Variants in NME8 observed in about 807,000 individuals in gnomAD.
NME8 encodes NME/NM23 family member 8.
In NME8, 72 loss-of-function variants were observed where a neutral mutation model predicts 82.3. That is an observed-to-expected ratio of 0.87 (90% CI 0.72 to 1.06). The LOEUF is 1.06. NME8 is among the 50% of genes least tolerant of loss of function. The pLI is 0.00. For synonymous variants in NME8, 267 were observed against 228.5 expected (o/e 1.17, Z -1.52); for missense variants, 712 against 685.4 (o/e 1.04, Z -0.43).
At chr7:37,883,049 G>C (rs371965911) in intron 12 of NME8, among the ~76,000 whole-genome samples, 35 of 152,258 alleles carry the variant, frequency 2.3e-4, no homozygotes, top group African/African-American at 7.2e-4. Context: ...CCTAATGAGA[G>C]AGTGCAAATT....
intron 16 of NME8, among the ~76,000 whole-genome samples, chr7:37,894,883 T>C (rs188981633): frequency 6.6e-6 from 1 of 151,456 alleles, no homozygotes; most frequent in East Asian, 1.9e-4. Flanking sequence ...CCCTTCCCTT[T>C]CCTTTCCTTT....
chr7:37,873,862 T>C (rs1784809103), intron 11 of NME8, among the ~76,000 whole-genome samples: 2 of 152,224 alleles, frequency 1.3e-5, no homozygotes, highest in African/African-American at 4.8e-5. Context: ...GACTTTTAAT[T>C]GGTTTTATTA....
intron 11 of NME8, 65 bp downstream of exon 11, chr7:37,867,963 G>A (rs1784713993): frequency 1.4e-6 from 2 of 1,387,286 alleles, no homozygotes; most frequent in Non-Finnish European, 2.0e-6. Context: ...GCGTAGTGTA[G>A]GCACCTCAGT....
rs754368024 is a variant in NME8, at chr7:37,876,984, C to A, written c.971C>A (p.Pro324Gln). The A allele has an allele frequency of 2.5e-6, 4 of 1,612,850 alleles. No individual in the cohort carries two copies. Among genetic ancestry groups the A allele is most frequent in the East Asian group, 2.2e-5 (1 of 44,696 alleles). ...GAAAAGACATTGGCATTACTTCGAC[C>A]AAATCTCTTTCATGAAAGGAAAGGT... ...KLEKTLALLR[P>Q]NLFHERKDDV... The change falls in exon 12 of 18, where the codon CCA (proline) becomes CAA (glutamine). Residue 324 changes from proline to glutamine, a missense_variant. Coordinates refer to ENST00000199447, the MANE Select transcript of NME8 (RefSeq NM_016616.5).
chr7:37,862,877 C>T (rs1375403872), intron 7 of NME8, among the ~76,000 whole-genome samples: 2 of 151,996 alleles, frequency 1.3e-5, no homozygotes, highest in Non-Finnish European at 2.9e-5. Flanking sequence ...CCCAGCACTT[C>T]GGGAGGCCAA....
At chr7:37,898,852 A>G (rs771691669) in intron 17 of NME8, among the ~76,000 whole-genome samples, 2 of 152,202 alleles carry the variant, frequency 1.3e-5, no homozygotes, top group South Asian at 2.1e-4. Context: ...AATGGTTGCA[A>G]TGGCAAATTT....
intron 12 of NME8, among the ~76,000 whole-genome samples, chr7:37,882,597 A>AAGAAAGAAAGAGAGAGAGAG (rs1554365622): frequency 2.8e-4 from 23 of 83,050 alleles, no homozygotes; most frequent in Non-Finnish European, 5.4e-4. Context: ...GAAAGAAAGA[A>AAGAAAGAAAGAGAGAGAGAG]AGAGAGAGAG....
At chr7:37,898,372 G>A (rs897603077) in intron 17 of NME8, among the ~76,000 whole-genome samples, 20 of 152,120 alleles carry the variant, frequency 1.3e-4, no homozygotes, top group African/African-American at 3.6e-4. Flanking sequence ...ATTCCTAGGT[G>A]TATTCCCAAA....
intron 12 of NME8, among the ~76,000 whole-genome samples, chr7:37,881,187 T>C (rs1583639446): frequency 1.3e-5 from 2 of 152,184 alleles, no homozygotes; most frequent in Non-Finnish European, 2.9e-5. Context: ...AGATTTCCAG[T>C]ATGAATTTGA....
At chr7:37,850,850 GAT>G (rs1784429833) in intron 5 of NME8, 115 bp downstream of exon 5, 2 of 728,840 alleles carry the variant, frequency 2.7e-6, no homozygotes, top group Non-Finnish European at 4.9e-6. Flanking sequence ...CTTCAAAATA[GAT>G]AGTCTTTACT....
At chr7:37,850,570 G>A in intron 4 of NME8, 59 bp from the exon 5 acceptor site, 1 of 1,519,838 alleles carries the variant, frequency 6.6e-7, no homozygotes, top group Non-Finnish European at 9.1e-7. Flanking sequence ...TCCAGATTGG[G>A]ATAACTGCTA....
rs910232978 is a variant in NME8 at position 37,862,255 on chromosome 7, T to C, written c.387+111T>C. The C allele has an allele frequency of 5.4e-6, 4 of 745,746 alleles. No individual in the cohort carries two copies. The Admixed American group carries it at 8.4e-5, about 16-fold the overall frequency. 46.2% of individuals were successfully genotyped at this position (745,746 alleles called of 1,614,324 possible). A position where few individuals can be genotyped will look rare whatever the true frequency, so the allele number is the denominator to read the frequency against. ...CTCTAAAGGCTTTGAGTACTTTATG[T>C]CTTTTAATTTTAAAAAAGTACATTA... On this transcript the variant is annotated intron_variant, in intron 7 of 17. Coordinates refer to ENST00000199447, the MANE Select transcript of NME8 (RefSeq NM_016616.5).
intron 17 of NME8, among the ~76,000 whole-genome samples, chr7:37,898,927 G>A (rs1317512924): frequency 6.6e-6 from 1 of 152,104 alleles, no homozygotes; most frequent in East Asian, 1.9e-4. Context: ...GTGAAATAAG[G>A]AAGAATGATT....
chr7:37,876,692 A>T (rs1219234067), intron 11 of NME8, 140 bp from the exon 12 acceptor site: 8 of 642,670 alleles, frequency 1.2e-5, no homozygotes, highest in Non-Finnish European at 1.9e-5. Context: ...TAATAGGGAG[A>T]TGCAATTTAT....
chr7:37,898,642 C>T (rs1191003664), intron 17 of NME8, among the ~76,000 whole-genome samples: 2 of 152,112 alleles, frequency 1.3e-5, no homozygotes, highest in Non-Finnish European at 2.9e-5. Context: ...TATGTTACCA[C>T]TTATATGAGT....
intron 5 of NME8, among the ~76,000 whole-genome samples, chr7:37,854,136 T>C (rs985498139): frequency 5.3e-5 from 8 of 152,166 alleles, no homozygotes; most frequent in Middle Eastern, 3.4e-3. Context: ...CTGGAAACCT[T>C]ATGGGTAACA....
Position 37,874,620 on chromosome 7 carries a change from G to T in NME8, c.819-2212G>T, listed in dbSNP as rs572240105. Among the ~76,000 whole-genome samples, 5 of 151,934 alleles carry T rather than the reference G, an allele frequency of 3.3e-5. No homozygotes were observed. In the South Asian group the frequency reaches 8.3e-4, roughly 25 times the overall value. On this transcript the variant is annotated intron_variant, in intron 11 of 17. Transcript: ENST00000199447. Reference sequence around the variant, plus strand: ...CCAGCAAAATAAGGGGAAAAAAGAAGAAACCTCAATTTAAAATAAATAGTC... The same window carrying T: ...CCAGCAAAATAAGGGGAAAAAAGAATAAACCTCAATTTAAAATAAATAGTC...
At chr7:37,855,637 G>C (rs1007880086) in intron 5 of NME8, among the ~76,000 whole-genome samples, 6 of 152,180 alleles carry the variant, frequency 3.9e-5, no homozygotes, top group African/African-American at 1.4e-4. Flanking sequence ...TTGGTCAGCA[G>C]CAGCTGCTTC....
At chr7:37,853,081 G>A (rs1228049537) in intron 5 of NME8, among the ~76,000 whole-genome samples, 5 of 152,096 alleles carry the variant, frequency 3.3e-5, no homozygotes, top group Non-Finnish European at 7.4e-5. Context: ...ATTATGTGAG[G>A]TGGAGCATCT....
Sources: allele counts gnomAD v4.1 joint callset (sites outside exome capture counted in the v4.1 genomes callset), GRCh38; gene constraint gnomAD v4.1.1; transcripts MANE v1.5; gene names NCBI Gene and HGNC (gene_info 2026-07-23, HGNC 2026-07-21).